MKNK2: variants seen among roughly 807,000 people sequenced by gnomAD.
MKNK2 encodes MAP kinase-interacting serine/threonine-protein kinase 2.
Under a neutral mutation model 55.0 loss-of-function variants are expected in MKNK2, and 54 were observed. The ratio of observed to expected loss-of-function variants is 0.98; its 90% CI spans 0.79 to 1.23. The LOEUF (loss-of-function observed/expected upper bound fraction) is 1.23, where lower values mean the gene tolerates loss of function less well. Among genes scored for constraint, MKNK2 ranks in the 50% most tolerant of loss-of-function variants. The probability of loss-of-function intolerance (pLI) is 0.00; values close to 1 mark genes in which losing one functional copy is unlikely to be tolerated. For synonymous variants in MKNK2, 323 were observed against 256.0 expected (o/e 1.26, Z -2.50); for missense variants, 685 against 632.1 (o/e 1.08, Z -0.90).
rs773969028 is a variant in MKNK2, at chr19:2,037,792, G to A, written c.*1821C>T. 1.0e-4 allele frequency: 160 copies of A among 1,606,026 alleles called. No individual in the cohort carries two copies. The highest frequency in any genetic ancestry group is 1.3e-4 in the Non-Finnish European group (152 of 1,176,036). ...AGTCCTCCAGGTCGCACGTGGATGCGACAGGGGTGGGGAGGGAGGAGGAAG... is the reference window on the plus strand; with the variant it reads ...AGTCCTCCAGGTCGCACGTGGATGCAACAGGGGTGGGGAGGGAGGAGGAAG... On this transcript the variant is annotated 3_prime_UTR_variant, in exon 14 of 14. Transcript: ENST00000250896.
chr19:2,050,049 C>T (rs2017080456), intron 2 of MKNK2, among the ~76,000 whole-genome samples: 1 of 152,160 alleles, frequency 6.6e-6, no homozygotes, highest in South Asian at 2.1e-4. Context: ...AGGGGTGGGG[C>T]GGGCCGGCTG....
In MKNK2 at chr19:2,038,350, G is replaced by A. The variant is rs889067540; in HGVS notation, c.*1263C>T. On this transcript the variant is annotated 3_prime_UTR_variant, in exon 14 of 14. Coordinates refer to ENST00000250896, the MANE Select transcript of MKNK2 (RefSeq NM_199054.3). ...CCCAGCTGTGGAGCTCGGGGGCTGC[G>A]CCGGGAAGGGCGGGCGGTGACCCTA... 54 of 986,550 alleles carry A rather than the reference G, an allele frequency of 5.5e-5. No individual in the cohort carries two copies. The highest frequency in any genetic ancestry group is 1.1e-4 in the East Asian group (1 of 8,832). The allele number at this position is 986,550 out of a possible 1,614,324, so 61.1% of individuals were successfully genotyped here. A position where few individuals can be genotyped will look rare whatever the true frequency, so the allele number is the denominator to read the frequency against.
At position 2,051,212 on chromosome 19, in the gene MKNK2, C is replaced by T. The variant is rs10416516; in HGVS notation, c.-213G>A. On this transcript the variant is annotated 5_prime_UTR_variant, in exon 1 of 14. Transcript: ENST00000250896. Reference sequence around the variant, plus strand: ...CCGCCGCCGCCGCCAGCGCGGACCCCTCTACCTGGGCCACCGCCGCTGAGA... The same window carrying T: ...CCGCCGCCGCCGCCAGCGCGGACCCTTCTACCTGGGCCACCGCCGCTGAGA... 0.03 allele frequency: 4,562 copies of T among 154,342 alleles called. 222 individuals carry two copies. Among genetic ancestry groups the T allele is most frequent in the African/African-American group, 0.1 (4,332 of 41,338 alleles). The allele number at this position is 154,342 out of a possible 1,614,324, so 9.6% of individuals were successfully genotyped here.
chr19:2,043,281 C>A, intron 6 of MKNK2, 84 bp from the exon 7 acceptor site: 1 of 1,193,442 alleles, frequency 8.4e-7, no homozygotes, highest in Middle Eastern at 1.9e-4. Context: ...AGGGGCCCAC[C>A]CTCTTGGTGC....
chr19:2,043,434 TG>T, intron 6 of MKNK2, 68 bp downstream of exon 6: 1 of 1,418,440 alleles, frequency 7.1e-7, no homozygotes, highest in Non-Finnish European at 1.0e-6. Flanking sequence ...GGGGGTGATG[TG>T]GCACTCAGGC....
chr19:2,042,914 C>A, intron 7 of MKNK2, 44 bp from the exon 8 acceptor site: 1 of 1,527,702 alleles, frequency 6.5e-7, no homozygotes, highest in Non-Finnish European at 8.9e-7. Context: ...ACACGCAGGT[C>A]ACCTCAAAGT....
chr19:2,048,734 TC>T (rs1162834532), intron 2 of MKNK2, among the ~76,000 whole-genome samples: 1 of 149,492 alleles, frequency 6.7e-6, no homozygotes, highest in East Asian at 2.0e-4. Flanking sequence ...CCCTCCTGCC[TC>T]CCCACCCACC....
chr19:2,042,193 A>T (rs2016902167), intron 10 of MKNK2, 159 bp from the exon 11 acceptor site: 2 of 750,660 alleles, frequency 2.7e-6, no homozygotes, highest in Admixed American at 3.5e-5. Flanking sequence ...CCCAATCAGC[A>T]GGTGCAGAGC....
At chr19:2,041,697 C>A (rs2016886339) in intron 11 of MKNK2, 143 bp downstream of exon 11, 1 of 641,202 alleles carries the variant, frequency 1.6e-6, no homozygotes, top group Non-Finnish European at 2.6e-6. Flanking sequence ...CAGGGCAGGT[C>A]CCCGAGGGTT....
In MKNK2 at chr19:2,043,424, G is replaced by A. The variant is rs544643826; in HGVS notation, c.419+79C>T. ...ACTGGGTGCCCTACAGACGCTTGCT[G>A]GGGGTGATGTGGCACTCAGGCCCTT... On this transcript the variant is annotated intron_variant, in intron 6 of 13. Transcript: ENST00000250896. 8 of 1,361,378 alleles carry A rather than the reference G, an allele frequency of 5.9e-6. No individual in the cohort carries two copies. In the East Asian group the frequency reaches 1.2e-4, roughly 20 times the overall value. The allele number at this position is 1,361,378 out of a possible 1,614,324, so 84.3% of individuals were successfully genotyped here.
intron 11 of MKNK2, among the ~76,000 whole-genome samples, chr19:2,041,535 T>TC (rs1412255415): frequency 6.6e-6 from 1 of 152,056 alleles, no homozygotes; most frequent in Non-Finnish European, 1.5e-5. Flanking sequence ...GTCTGGGGTT[T>TC]CCCTTGGGCA....
chr19:2,039,638 A>C lies in MKNK2; in HGVS notation c.1373T>G (p.Val458Gly). 6.2e-7 allele frequency: 1 copy of C among 1,612,906 alleles called. No homozygotes were observed. The highest frequency in any genetic ancestry group is 8.5e-7 in the Non-Finnish European group (1 of 1,179,816). The change falls in exon 14 of 14, where the codon GTG becomes GGG. Residue 458 changes from valine to glycine, a missense_variant. By Grantham distance (109) the Val-to-Gly change is moderately radical (BLOSUM62 -3). Coordinates refer to ENST00000250896, the MANE Select transcript of MKNK2 (RefSeq NM_199054.3). Reference sequence around the variant, plus strand: ...TCAGGCGTGGTCTCCCACCAGGACCACTGGGGCCGAGGACAGACTGGCCCT... The same window carrying C: ...TCAGGCGTGGTCTCCCACCAGGACCCCTGGGGCCGAGGACAGACTGGCCCT... ...RQRASLSSAP[V>G]VLVGDHA
rs968774031 is a variant in MKNK2, at chr19:2,038,037, C to G, written c.*1576G>C. The G allele has an allele frequency of 9.3e-6, 12 of 1,292,274 alleles. No homozygotes were observed. Among genetic ancestry groups the G allele is most frequent in the African/African-American group, 4.5e-5 (3 of 66,730 alleles). The allele number at this position is 1,292,274 out of a possible 1,614,324, so 80.1% of individuals were successfully genotyped here. On this transcript the variant is annotated 3_prime_UTR_variant, in exon 14 of 14. Coordinates refer to ENST00000250896, the MANE Select transcript of MKNK2 (RefSeq NM_199054.3). ...GGGGTGGGCGGAATGCCCCACCCCC[C>G]CCAGGGGTCTTTGGAAGGGGCAGTC...
intron 10 of MKNK2, 163 bp from the exon 11 acceptor site, chr19:2,042,197 G>A (rs2016902378): frequency 4.0e-6 from 3 of 752,068 alleles, no homozygotes; most frequent in Non-Finnish European, 6.1e-6. Flanking sequence ...ATCAGCAGGT[G>A]CAGAGCTCGC....
chr19:2,046,870 G>A (rs1355328990), intron 2 of MKNK2, among the ~76,000 whole-genome samples, 179 bp from the exon 3 acceptor site: 3 of 152,198 alleles, frequency 2.0e-5, no homozygotes, highest in South Asian at 2.1e-4. Context: ...ATCAACTCCC[G>A]AAGGGGCAGA....
rs2016864329 is a variant in MKNK2, at chr19:2,040,926, C to T, written c.1110+114G>A. ...CCAGGGCAGAGCCTGTGCTCTCAAG[C>T]CTCAGTGCATCTCAGGGTGTCCAGG... On this transcript the variant is annotated intron_variant, in intron 12 of 13. Coordinates refer to ENST00000250896, the MANE Select transcript of MKNK2 (RefSeq NM_199054.3). 2.9e-6 allele frequency: 3 copies of T among 1,032,628 alleles called. No homozygotes were observed. In the Admixed American group the frequency reaches 5.9e-5, roughly 20 times the overall value. The allele number at this position is 1,032,628 out of a possible 1,614,324, so 64.0% of individuals were successfully genotyped here.
At chr19:2,045,095 C>T (rs2016969193) in intron 5 of MKNK2, among the ~76,000 whole-genome samples, 1 of 152,186 alleles carries the variant, frequency 6.6e-6, no homozygotes, top group Non-Finnish European at 1.5e-5. Context: ...CCTGGCCAGA[C>T]CAACTCCCGG....
In MKNK2 at chr19:2,042,679, A is replaced by T. The variant is rs1331497526; in HGVS notation, c.599-17T>A. 3 of 1,559,208 alleles carry T rather than the reference A, an allele frequency of 1.9e-6. 1 individual carries two copies. The highest frequency in any genetic ancestry group is 2.4e-5 in the South Asian group (2 of 84,738). ...GGGCGATGCCTGGGGGAGAAGCCACAGAACCACGACGGGGTGAGGGTCTGG... is the reference window on the plus strand; with the variant it reads ...GGGCGATGCCTGGGGGAGAAGCCACTGAACCACGACGGGGTGAGGGTCTGG... On this transcript the variant is annotated splice_polypyrimidine_tract_variant and intron_variant, in intron 8 of 13. Coordinates refer to ENST00000250896, the MANE Select transcript of MKNK2 (RefSeq NM_199054.3).
intron 8 of MKNK2, 29 bp from the exon 9 acceptor site, chr19:2,042,691 G>A: frequency 1.3e-6 from 2 of 1,556,250 alleles, no homozygotes; most frequent in South Asian, 2.4e-5. Flanking sequence ...AACCACGACG[G>A]GGTGAGGGTC....
Sources: allele counts gnomAD v4.1 joint callset (sites outside exome capture counted in the v4.1 genomes callset), GRCh38; gene constraint gnomAD v4.1.1; transcripts MANE v1.5; gene names NCBI Gene and HGNC (gene_info 2026-07-23, HGNC 2026-07-21).